The following LRRIQ1 variants were observed in gnomAD, a reference collection of about 807,000 sequenced individuals.
LRRIQ1 encodes leucine-rich repeat- and IQ domain-containing protein 1.
LRRIQ1 carries 210 observed loss-of-function variants against 211.9 expected under a neutral mutation model. The observed-to-expected ratio is 0.99, with a 90% CI of 0.89 to 1.11. LRRIQ1 has a LOEUF of 1.11. LRRIQ1 is among the 50% of genes most tolerant of loss of function. LRRIQ1 has a pLI of 0.00. For synonymous variants in LRRIQ1, 699 were observed against 650.1 expected (o/e 1.08, Z -1.14); for missense variants, 2,136 against 1,939.5 (o/e 1.10, Z -1.90).
chr12:85,045,454 T>C (rs537011685), intron 4 of LRRIQ1, among the ~76,000 whole-genome samples: 5 of 152,030 alleles, frequency 3.3e-5, no homozygotes, highest in African/African-American at 9.6e-5. Flanking sequence ...TTTTACTCTA[T>C]TGAATTTTTT....
At chr12:85,106,497 T>G in intron 14 of LRRIQ1, 25 bp from the exon 15 acceptor site, 1 of 1,499,460 alleles carries the variant, frequency 6.7e-7, no homozygotes, top group African/African-American at 1.4e-5. Flanking sequence ...GATGATACCT[T>G]TCAAAATGAT....
intron 11 of LRRIQ1, among the ~76,000 whole-genome samples, chr12:85,080,178 T>C (rs1364030779): frequency 6.6e-6 from 1 of 152,076 alleles, no homozygotes; most frequent in Non-Finnish European, 1.5e-5. Context: ...TATTGTATTC[T>C]AGCTTTCCTG....
Position 85,056,511 on chromosome 12 carries a change from A to C in LRRIQ1, c.1718A>C (p.Lys573Thr), listed in dbSNP as rs1198618300. ...GAGGTGAAAACCAATGAAGAGCAGA[A>C]AATAATCAAAGATAATCAGCAGAAA... ...ISEVKTNEEQ[K>T]IIKDNQQKKI... The change falls in exon 8 of 27, where the codon AAA (lysine) becomes ACA (threonine). Residue 573 changes from lysine to threonine, a missense_variant. Transcript: ENST00000393217. The C allele has an allele frequency of 3.7e-6, 6 of 1,612,160 alleles. No homozygotes were observed. The Admixed American group carries it at 5.0e-5, about 13-fold the overall frequency.
intron 15 of LRRIQ1, among the ~76,000 whole-genome samples, chr12:85,116,946 A>G (rs1027624721): frequency 1.3e-5 from 2 of 151,434 alleles, no homozygotes; most frequent in Non-Finnish European, 2.9e-5. Context: ...TTCTTTATCC[A>G]ATCTGTCATT....
intron 8 of LRRIQ1, among the ~76,000 whole-genome samples, chr12:85,059,613 A>T (rs191436012): frequency 1.2e-3 from 185 of 152,180 alleles, no homozygotes; most frequent in Admixed American, 3.0e-3. Flanking sequence ...TTTAAAAAAA[A>T]TTCTACGCTA....
At chr12:85,176,757 AATT>A (rs1565885823) in intron 24 of LRRIQ1, among the ~76,000 whole-genome samples, 47 of 136,140 alleles carry the variant, frequency 3.5e-4, no homozygotes, top group African/African-American at 1.3e-3. Flanking sequence ...AATAAAAAAA[AATT>A]TTAAAAAAAA....
chr12:85,235,797 C>T (rs1245203777), intron 26 of LRRIQ1, among the ~76,000 whole-genome samples: 1 of 152,118 alleles, frequency 6.6e-6, no homozygotes, highest in Non-Finnish European at 1.5e-5. Context: ...GAAATCTCAT[C>T]CAATATTACA....
chr12:85,215,204 A>C (rs189840973), intron 24 of LRRIQ1, among the ~76,000 whole-genome samples: 8 of 152,282 alleles, frequency 5.3e-5, no homozygotes, highest in Admixed American at 3.3e-4. Flanking sequence ...TGCTAATTGG[A>C]ATATATTATA....
intron 23 of LRRIQ1, 21 bp downstream of exon 23, chr12:85,154,115 GAAT>G (rs1890406884): frequency 7.5e-7 from 1 of 1,339,384 alleles, no homozygotes; most frequent in Non-Finnish European, 1.0e-6. Context: ...AGTGCTCTTT[GAAT>G]AATAACTGTG....
At chr12:85,213,767 C>A (rs1051844188) in intron 24 of LRRIQ1, among the ~76,000 whole-genome samples, 4 of 151,554 alleles carry the variant, frequency 2.6e-5, no homozygotes, top group African/African-American at 9.7e-5. Flanking sequence ...TAAAAAGTAA[C>A]AATAACAAAA....
At chr12:85,160,769 G>A in intron 24 of LRRIQ1, 55 bp downstream of exon 24, 1 of 939,602 alleles carries the variant, frequency 1.1e-6, no homozygotes, top group Non-Finnish European at 1.5e-6. Flanking sequence ...AAGATTAAAA[G>A]AATTATATTT....
At chr12:85,154,131 T>A (rs529677472) in intron 23 of LRRIQ1, 37 bp downstream of exon 23, 46 of 1,172,680 alleles carry the variant, frequency 3.9e-5, no homozygotes, top group Non-Finnish European at 5.2e-5. Flanking sequence ...TAACTGTGTA[T>A]GGAAAATTGA....
chr12:85,154,033 T>C lies in LRRIQ1; in HGVS notation c.4659T>C (p.Thr1553=), dbSNP rs1165504190. ...SEEWGFKDIS[T]AQQMLKRAQK... ...ATAGGGGCTTTAAGGATATTTCTAC[T>C]GCTCAGCAAATGTTGAAGAGGGCAC... The change falls in exon 23 of 27, where the codon ACT becomes ACC. Residue 1553 remains threonine, a synonymous_variant. Transcript: ENST00000393217. 6.4e-7 allele frequency: 1 copy of C among 1,566,022 alleles called. No individual in the cohort carries two copies. The highest frequency in any genetic ancestry group is 1.8e-5 in the Admixed American group (1 of 54,436).
chr12:85,237,356 A>G (rs955823524), intron 26 of LRRIQ1, among the ~76,000 whole-genome samples: 1 of 152,122 alleles, frequency 6.6e-6, no homozygotes, highest in Non-Finnish European at 1.5e-5. Flanking sequence ...AGAGCTCAGT[A>G]GTTTCACTGA....
At chr12:85,089,635 A>G (rs1223490213) in intron 11 of LRRIQ1, among the ~76,000 whole-genome samples, 1 of 152,284 alleles carries the variant, frequency 6.6e-6, no homozygotes, top group African/African-American at 2.4e-5. Context: ...GTGATTTATG[A>G]TTATCTGATT....
rs1391160758 is a variant in LRRIQ1 at position 85,180,822 on chromosome 12, AT to A, written c.4822+20112del. ...GAATTTGATTATAGTAACTGGATAC[AT>A]TTTGAAATATTACATTTTAAAATAT... is the stretch of plus-strand genomic sequence containing the variant. On this transcript the variant is annotated intron_variant, in intron 24 of 26. Transcript: ENST00000393217. Among the ~76,000 whole-genome samples, 34 of 151,898 alleles carry A rather than the reference AT, an allele frequency of 2.2e-4. 1 individual carries two copies. The highest frequency in any genetic ancestry group is 4.9e-4 in the Non-Finnish European group (33 of 67,860).
chr12:85,267,343 G>A (rs1896441859), downstream of LRRIQ1, among the ~76,000 whole-genome samples: 1 of 151,762 alleles, frequency 6.6e-6, no homozygotes, highest in African/African-American at 2.4e-5. Flanking sequence ...GGAATTATGA[G>A]GACATTGTCT....
intron 1 of LRRIQ1, among the ~76,000 whole-genome samples, chr12:85,253,097 G>GAAGAGATGTT (rs1895996602): frequency 6.6e-6 from 1 of 151,880 alleles, no homozygotes; most frequent in African/African-American, 2.4e-5. Flanking sequence ...CTCTCTGAAA[G>GAAGAGATGTT]CATTAATAAT....
At chr12:85,267,711 A>C (rs918621717), downstream of LRRIQ1, among the ~76,000 whole-genome samples, 29 of 152,090 alleles carry the variant, frequency 1.9e-4, no homozygotes, top group African/African-American at 7.0e-4. Context: ...CAGTGCTTAG[A>C]ATAACTCAGT....
Sources: gnomAD v4.1 joint callset for allele counts (sites outside exome capture counted in the v4.1 genomes callset) on GRCh38, gnomAD v4.1.1 for gene constraint, MANE v1.5 for transcripts, NCBI Gene and HGNC (gene_info 2026-07-23, HGNC 2026-07-21) for gene names.